The following ESR1 variants were observed in gnomAD, a reference collection of about 807,000 sequenced individuals.
The protein encoded by ESR1 is estrogen receptor 1.
ESR1 carries 12 observed loss-of-function variants against 52.7 expected under a neutral mutation model. The ratio of observed to expected loss-of-function variants is 0.23; its 90% confidence interval spans 0.15 to 0.37. ESR1 has a LOEUF of 0.37. Ranked by LOEUF, ESR1 falls within the 10% of genes least tolerant of loss-of-function variation. The pLI is 1.00. For synonymous variants in ESR1, 305 were observed against 316.8 expected (o/e 0.96, Z 0.39); for missense variants, 584 against 779.7 (o/e 0.75, Z 2.99).
At chr6:151,687,629 C>T (rs1209190127), upstream of ESR1, among the ~76,000 whole-genome samples, 1 of 152,098 alleles carries the variant, frequency 6.6e-6, no homozygotes, top group Non-Finnish European at 1.5e-5. Flanking sequence ...GCTTGAACAA[C>T]CCAGACAGAT....
intron 4 of ESR1, among the ~76,000 whole-genome samples, chr6:151,971,299 G>A (rs938389557): frequency 9.2e-5 from 14 of 151,968 alleles, no homozygotes; most frequent in Admixed American, 5.9e-4. Context: ...TCACACGAGC[G>A]GTGTACACTG....
At chr6:151,788,600 G>T (rs1316590128) in intron 2 of ESR1, among the ~76,000 whole-genome samples, 1 of 152,280 alleles carries the variant, frequency 6.6e-6, no homozygotes, top group East Asian at 1.9e-4. Context: ...TTCCATGACT[G>T]GGTATATACC....
chr6:151,853,216 G>A (rs6557166), intron 2 of ESR1, among the ~76,000 whole-genome samples: 9,493 of 136,334 alleles, frequency 0.07, 1,260 homozygotes, highest in African/African-American at 0.25. Context: ...AAAGAAAGAA[G>A]GAAAAAGAAA....
At chr6:151,896,748 C>T (rs1795577839) in intron 3 of ESR1, among the ~76,000 whole-genome samples, 1 of 150,538 alleles carries the variant, frequency 6.6e-6, no homozygotes, top group African/African-American at 2.4e-5. Flanking sequence ...GTTTTTATTT[C>T]TGTAGTTCCT....
chr6:152,037,431 G>A (rs535118778), intron 5 of ESR1, among the ~76,000 whole-genome samples: 1 of 152,302 alleles, frequency 6.6e-6, no homozygotes, highest in African/African-American at 2.4e-5. Context: ...GAGTGGAAAG[G>A]TTCACCAGGC....
intron 3 of ESR1, among the ~76,000 whole-genome samples, chr6:151,928,990 G>A (rs2033192779): frequency 6.6e-6 from 1 of 152,056 alleles, no homozygotes; most frequent in South Asian, 2.1e-4. Flanking sequence ...GTCTATCTTG[G>A]TGCGTATTCC....
At chr6:151,660,699 G>A (rs1232985209) in intron 1 of ESR1, among the ~76,000 whole-genome samples, 1 of 152,016 alleles carries the variant, frequency 6.6e-6, no homozygotes, top group Non-Finnish European at 1.5e-5. Context: ...TAAAGCATAC[G>A]TATATGTTAT....
intron 2 of ESR1, among the ~76,000 whole-genome samples, chr6:151,754,326 ATT>A (rs11446767): frequency 1.4e-4 from 20 of 145,000 alleles, no homozygotes; most frequent in Admixed American, 4.8e-4. Context: ...ATCTATTGCT[ATT>A]TTTTTTTTTT....
chr6:152,020,096 A>G (rs2043503496), intron 5 of ESR1, among the ~76,000 whole-genome samples: 1 of 152,178 alleles, frequency 6.6e-6, no homozygotes. Context: ...CATCTAGTGT[A>G]TCTTCCTCCA....
chr6:152,021,519 T>C (rs557588249), intron 5 of ESR1, among the ~76,000 whole-genome samples: 3 of 152,238 alleles, frequency 2.0e-5, no homozygotes, highest in Non-Finnish European at 4.4e-5. Context: ...ATGTCTTTGA[T>C]TGTTACACCA....
upstream of ESR1, among the ~76,000 whole-genome samples, chr6:151,686,083 T>A (rs890526810): frequency 6.7e-5 from 10 of 148,528 alleles, no homozygotes; most frequent in Middle Eastern, 3.4e-3. Context: ...TTTTTTTTTT[T>A]TTTTTATTTA....
At chr6:152,067,899 A>T (rs1032541169) in intron 6 of ESR1, among the ~76,000 whole-genome samples, 2 of 152,228 alleles carry the variant, frequency 1.3e-5, no homozygotes, top group Non-Finnish European at 2.9e-5. Flanking sequence ...TGTTCTTAGT[A>T]TGCCAATGTT....
intron 1 of ESR1, among the ~76,000 whole-genome samples, chr6:151,819,415 G>A (rs2128186450): frequency 6.6e-6 from 1 of 152,336 alleles, no homozygotes; most frequent in African/African-American, 2.4e-5. Context: ...CAGTGGGCAT[G>A]CAAGTGATGC....
rs577320933 is a variant in ESR1, at chr6:152,081,107, G to A, written c.1370-13278G>A. Among the ~76,000 whole-genome samples, 6 of 152,282 alleles carry A rather than the reference G, an allele frequency of 3.9e-5. No individual in the cohort carries two copies. The South Asian group carries it at 1.0e-3, about 26-fold the overall frequency. ...CAAGGATATCCAGGACTTGAACTCA[G>A]CTCTAGACCAAGTGGACCCAATAGA... On this transcript the variant is annotated intron_variant, in intron 6 of 7. Coordinates refer to ENST00000206249, the MANE Select transcript of ESR1 (RefSeq NM_000125.4).
intron 1 of ESR1, among the ~76,000 whole-genome samples, chr6:151,673,988 C>G (rs965714121): frequency 1.3e-5 from 2 of 152,036 alleles, no homozygotes; most frequent in African/African-American, 4.8e-5. Flanking sequence ...TGATTTTTCT[C>G]CATTATAAAA....
rs2039882376 is a variant in ESR1, at chr6:151,980,453, A to G, written c.1097-31203A>G. Among the ~76,000 whole-genome samples, 6 of 152,326 alleles carry G rather than the reference A, an allele frequency of 3.9e-5. No homozygotes were observed. In the South Asian group the frequency reaches 1.2e-3, roughly 32 times the overall value. On this transcript the variant is annotated intron_variant, in intron 4 of 7. Transcript: ENST00000206249. ...AGGGGGAGAAGCAATAAAGGAAACA[A>G]CATATGTTTTTTCCTAAATAGGAGG...
intron 6 of ESR1, among the ~76,000 whole-genome samples, chr6:152,075,217 T>C (rs2747645): frequency 0.054 from 8,219 of 152,274 alleles, 319 homozygotes; most frequent in Admixed American, 0.12. Flanking sequence ...TCAGAGAAGT[T>C]TGACTTCATC....
intron 4 of ESR1, among the ~76,000 whole-genome samples, chr6:151,989,848 A>G (rs992222512): frequency 6.6e-6 from 1 of 152,088 alleles, no homozygotes; most frequent in Non-Finnish European, 1.5e-5. Context: ...CATACTTTGT[A>G]TACATGTCTT....
At chr6:152,049,569 T>G (rs1347503836) in intron 5 of ESR1, among the ~76,000 whole-genome samples, 1 of 152,304 alleles carries the variant, frequency 6.6e-6, no homozygotes, top group South Asian at 2.1e-4. Flanking sequence ...CCAGCATGAA[T>G]GGAGAGGGTC....
Sources: allele counts gnomAD v4.1 joint callset (sites outside exome capture counted in the v4.1 genomes callset), GRCh38; gene constraint gnomAD v4.1.1; transcripts MANE v1.5; gene names NCBI Gene and HGNC (gene_info 2026-07-23, HGNC 2026-07-21).